Variants in IQSEC1 observed in about 807,000 individuals in gnomAD.
IQSEC1 encodes IQ motif and SEC7 domain-containing protein 1.
IQSEC1 carries 31 observed loss-of-function variants against 91.0 expected under a neutral mutation model. The ratio of observed to expected loss-of-function variants is 0.34; its 90% CI spans 0.26 to 0.46. The LOEUF (loss-of-function observed/expected upper bound fraction) is 0.46, where lower values mean the gene tolerates loss of function less well. Ranked by LOEUF, IQSEC1 falls within the 20% of genes least tolerant of loss-of-function variation. The probability of loss-of-function intolerance (pLI) is 1.00; values close to 1 mark genes in which losing one functional copy is unlikely to be tolerated. For synonymous variants in IQSEC1, 699 were observed against 662.6 expected, an observed-to-expected ratio of 1.05 and a Z score of -0.84; for missense variants, 1,388 against 1,575.6, an observed-to-expected ratio of 0.88 and a Z score of 2.02.
chr3:13,107,618 A>G (rs1706172951), intron 2 of IQSEC1, among the ~76,000 whole-genome samples: 1 of 152,200 alleles, frequency 6.6e-6, no homozygotes, highest in Non-Finnish European at 1.5e-5. Context: ...CCAAGTTGGA[A>G]CCCAAAATAC....
rs1702016933 is a variant in IQSEC1 at position 12,992,110 on chromosome 3, G to A, written c.24-50245C>T. Among the ~76,000 whole-genome samples the A allele has an allele frequency of 6.6e-6, 1 of 152,118 alleles. No individual in the cohort carries two copies. Among genetic ancestry groups the A allele is most frequent in the African/African-American group, 2.4e-5 (1 of 41,428 alleles). On this transcript the variant is annotated intron_variant, in intron 1 of 13. Coordinates refer to ENST00000613206, the MANE Select transcript of IQSEC1 (RefSeq NM_001134382.3). The surrounding 1 kb of genome is among the most constrained non-coding windows in gnomAD (Gnocchi z 4.1). ...ACCGAGTCCTCCGAGCATTCCCCAG[G>A]AAGCAGCCCTCTCAGGATGACTGGG...
intron 1 of IQSEC1, among the ~76,000 whole-genome samples, chr3:13,064,155 C>T (rs1705161346): frequency 6.6e-6 from 1 of 152,156 alleles, no homozygotes; most frequent in Non-Finnish European, 1.5e-5. Flanking sequence ...TTTGCTTGTA[C>T]CGTGGAGCCT....
chr3:13,025,573 C>T (rs752808031), intron 1 of IQSEC1, among the ~76,000 whole-genome samples: 2 of 152,180 alleles, frequency 1.3e-5, no homozygotes, highest in Non-Finnish European at 2.9e-5. Flanking sequence ...GGCCTCTAGG[C>T]CTTGCTGAAT....
In IQSEC1 at chr3:13,282,518, TCCGGATCTGGGCGGCGACCC is replaced by T. The variant is rs1695814319; in HGVS notation, c.272+173_272+192del. On this transcript the variant is annotated intron_variant, in intron 1 of 15. Coordinates refer to the IQSEC1 transcript ENST00000648114. The surrounding 1 kb of genome is among the most constrained non-coding windows in gnomAD (Gnocchi z 6.4). ...ACCCAGTCCCCACCCGAGATCGAGC[TCCGGATCTGGGCGGCGACCC>T]CGCCAGAGAATCCCAGGGAGCCCCT... Among the ~76,000 whole-genome samples the T allele has an allele frequency of 6.6e-6, 1 of 151,210 alleles. No individual in the cohort carries two copies. Among genetic ancestry groups the T allele is most frequent in the South Asian group, 2.1e-4 (1 of 4,804 alleles).
chr3:13,062,832 C>G (rs1207692263), intron 1 of IQSEC1, among the ~76,000 whole-genome samples: 1 of 152,100 alleles, frequency 6.6e-6, no homozygotes, highest in African/African-American at 2.4e-5. Flanking sequence ...AGTAACCATG[C>G]CAAGCAGATG....
At chr3:13,099,056 G>A (rs1706013672) in intron 2 of IQSEC1, among the ~76,000 whole-genome samples, 1 of 152,220 alleles carries the variant, frequency 6.6e-6, no homozygotes, top group Admixed American at 6.5e-5. Context: ...GGGGGAACAG[G>A]CCGGGTGTCC....
At chr3:13,249,241 G>A (rs1362815874) in intron 1 of IQSEC1, among the ~76,000 whole-genome samples, 2 of 143,264 alleles carry the variant, frequency 1.4e-5, no homozygotes, top group Non-Finnish European at 3.0e-5. Flanking sequence ...GCGCGATCTC[G>A]GCTCACTGCA....
intron 1 of IQSEC1, among the ~76,000 whole-genome samples, chr3:13,212,026 A>T (rs1207623995): frequency 1.3e-5 from 2 of 152,312 alleles, no homozygotes; most frequent in Non-Finnish European, 2.9e-5. Context: ...GGAGTCAGGC[A>T]GTCCAGAGTC....
At position 13,036,718 on chromosome 3, in the gene IQSEC1, C is replaced by T. The variant is rs530590201; in HGVS notation, c.23+36274G>A. On this transcript the variant is annotated intron_variant, in intron 1 of 13. Coordinates refer to ENST00000613206, the MANE Select transcript of IQSEC1 (RefSeq NM_001134382.3). ...TGTGCTTGGAATCCCGTCCACTGAGCTCCCTTACTGAGCTGGCAGTTTGGG... is the reference window on the plus strand; with the variant it reads ...TGTGCTTGGAATCCCGTCCACTGAGTTCCCTTACTGAGCTGGCAGTTTGGG... Among the ~76,000 whole-genome samples the T allele has an allele frequency of 5.3e-5, 8 of 152,340 alleles. No homozygotes were observed. The South Asian group carries it at 1.7e-3, about 32-fold the overall frequency.
intron 1 of IQSEC1, among the ~76,000 whole-genome samples, chr3:13,174,484 G>T (rs165265): frequency 0.42 from 63,741 of 151,894 alleles, 13,788 homozygotes; most frequent in East Asian, 0.51. Flanking sequence ...CCATCTCAGC[G>T]GGGGCTCCTC....
chr3:13,171,551 C>T (rs912282596), intron 1 of IQSEC1, among the ~76,000 whole-genome samples: 1 of 152,196 alleles, frequency 6.6e-6, no homozygotes, highest in Non-Finnish European at 1.5e-5. Flanking sequence ...CATTTGAGAA[C>T]CTCAAACTCA....
rs1268108879 is a variant in IQSEC1 at position 13,037,448 on chromosome 3, C to T, written c.23+35544G>A. Among the ~76,000 whole-genome samples the T allele has an allele frequency of 3.9e-5, 6 of 152,206 alleles. No homozygotes were observed. In the East Asian group the frequency reaches 9.6e-4, roughly 24 times the overall value. ...CGGGGCATGGCTATACCATGAAATA[C>T]TATACACCAGTGAAAATGAATCGAT... On this transcript the variant is annotated intron_variant, in intron 1 of 13. Transcript: ENST00000613206.
chr3:13,202,749 C>T (rs1694266904), intron 1 of IQSEC1, among the ~76,000 whole-genome samples: 1 of 152,160 alleles, frequency 6.6e-6, no homozygotes. Flanking sequence ...TACCCCTGAA[C>T]CGTACACTCA....
intron 1 of IQSEC1, among the ~76,000 whole-genome samples, chr3:13,010,261 G>A (rs988109295): frequency 4.6e-5 from 7 of 152,088 alleles, no homozygotes; most frequent in African/African-American, 1.4e-4. Context: ...TCTCACTTCC[G>A]GTAAGACACC....
At chr3:13,141,039 C>T (rs982798858) in intron 2 of IQSEC1, among the ~76,000 whole-genome samples, 5 of 152,352 alleles carry the variant, frequency 3.3e-5, no homozygotes, top group African/African-American at 9.6e-5. Flanking sequence ...ACTGAGGGCA[C>T]GCAGTAATCC....
At chr3:13,246,117 C>T (rs1695104230) in intron 1 of IQSEC1, among the ~76,000 whole-genome samples, 1 of 152,206 alleles carries the variant, frequency 6.6e-6, no homozygotes. Context: ...ATCCGAGCAT[C>T]CATCAATGGA....
intron 1 of IQSEC1, among the ~76,000 whole-genome samples, chr3:13,033,770 G>A (rs533237252): frequency 2.0e-5 from 3 of 152,252 alleles, no homozygotes; most frequent in Non-Finnish European, 4.4e-5. Flanking sequence ...CTGAGCTTCT[G>A]TTCAATTCAG....
chr3:13,096,501 A>G (rs1253269018), intron 2 of IQSEC1, among the ~76,000 whole-genome samples: 1 of 152,248 alleles, frequency 6.6e-6, no homozygotes, highest in Non-Finnish European at 1.5e-5. Context: ...GGGGGCATAG[A>G]GGGCAAGACG....
rs1484628268 is a variant in IQSEC1, at chr3:12,908,567, C to T, written c.2579-42G>A. ...GAGGGTCCTGGTGAGAGGAGCACAG[C>T]CTAGAGTGGGCAGGAGACGGGGCCT... On this transcript the variant is annotated intron_variant, in intron 11 of 13. Coordinates refer to ENST00000613206, the MANE Select transcript of IQSEC1 (RefSeq NM_001134382.3). The surrounding 1 kb of genome is among the most constrained non-coding windows in gnomAD (Gnocchi z 4.9). 1 of 1,607,086 alleles carries T rather than the reference C, an allele frequency of 6.2e-7. No individual in the cohort carries two copies. Among genetic ancestry groups the T allele is most frequent in the African/African-American group, 1.3e-5 (1 of 74,888 alleles).
Sources: allele counts gnomAD v4.1 joint callset (sites outside exome capture counted in the v4.1 genomes callset), GRCh38; gene constraint gnomAD v4.1.1; non-coding constraint Gnocchi (gnomAD v3.1); transcripts MANE v1.5; gene names NCBI Gene and HGNC (gene_info 2026-07-23, HGNC 2026-07-21).